Variants in EFNA5 observed in about 807,000 individuals in gnomAD.
EFNA5 encodes ephrin-A5.
EFNA5 carries 5 observed loss-of-function variants against 22.9 expected under a neutral mutation model. The observed-to-expected ratio is 0.22, with a 90% CI of 0.11 to 0.46. EFNA5 has a LOEUF of 0.46. Among genes scored for constraint, EFNA5 ranks in the 20% least tolerant of loss-of-function variants. The pLI, the probability that EFNA5 is intolerant of heterozygous loss-of-function variation, is 0.99. For synonymous variants in EFNA5, 113 were observed against 112.2 expected, an observed-to-expected ratio of 1.01 and a Z score of -0.04; for missense variants, 237 against 293.3, an observed-to-expected ratio of 0.81 and a Z score of 1.40.
intron 1 of EFNA5, among the ~76,000 whole-genome samples, chr5:107,635,940 GT>G (rs1750364696): frequency 1.3e-5 from 2 of 152,248 alleles, no homozygotes; most frequent in Admixed American, 1.3e-4. Flanking sequence ...AGGGACATGG[GT>G]TGAAAATATT....
chr5:107,426,955 T>C (rs1580444120), intron 2 of EFNA5: 1 of 390,642 alleles, frequency 2.6e-6, no homozygotes, highest in South Asian at 4.7e-5. Flanking sequence ...TCCTGGCAAT[T>C]TTCATTTAAA....
intron 1 of EFNA5, among the ~76,000 whole-genome samples, chr5:107,494,180 T>C (rs1318345761): frequency 6.6e-6 from 1 of 152,180 alleles, no homozygotes; most frequent in East Asian, 1.9e-4. Context: ...ACCGCTGCAC[T>C]GTGGGAGCCC....
chr5:107,531,960 T>G (rs952647241), intron 1 of EFNA5, among the ~76,000 whole-genome samples: 1 of 152,168 alleles, frequency 6.6e-6, no homozygotes, highest in Non-Finnish European at 1.5e-5. Flanking sequence ...AAAGGTAAAG[T>G]AGGTGGCTAG....
intron 1 of EFNA5, among the ~76,000 whole-genome samples, chr5:107,583,738 C>T (rs1254363550): frequency 6.6e-6 from 1 of 152,206 alleles, no homozygotes; most frequent in Non-Finnish European, 1.5e-5. Flanking sequence ...AAACTGCTTA[C>T]TTATAACAAG....
At position 107,570,577 on chromosome 5, in the gene EFNA5, A is replaced by G. The variant is rs573591180; in HGVS notation, c.125+99912T>C. On this transcript the variant is annotated intron_variant, in intron 1 of 4. Transcript: ENST00000333274. ...GTCGGTGTCCAAATGGATTCACAATATAATTCATGAACAATGAGGCTCTGG... is the reference window on the plus strand; with the variant it reads ...GTCGGTGTCCAAATGGATTCACAATGTAATTCATGAACAATGAGGCTCTGG... Among the ~76,000 whole-genome samples, 60 of 152,082 alleles carry G rather than the reference A, an allele frequency of 3.9e-4. 2 individuals carry two copies. The South Asian group carries it at 9.6e-3, about 24-fold the overall frequency.
chr5:107,503,232 C>T (rs1356069578), intron 1 of EFNA5, among the ~76,000 whole-genome samples: 1 of 152,120 alleles, frequency 6.6e-6, no homozygotes, highest in African/African-American at 2.4e-5. Context: ...AAATTGTCAC[C>T]AGTTAATGAA....
intron 2 of EFNA5, among the ~76,000 whole-genome samples, chr5:107,389,702 A>T (rs1747733721): frequency 6.6e-6 from 1 of 152,218 alleles, no homozygotes; most frequent in Admixed American, 6.5e-5. Flanking sequence ...CATGGCAATA[A>T]CTAAACAGCA....
At chr5:107,616,201 ACTTTAT>A (rs1435377185) in intron 1 of EFNA5, among the ~76,000 whole-genome samples, 1 of 152,228 alleles carries the variant, frequency 6.6e-6, no homozygotes, top group Non-Finnish European at 1.5e-5. Flanking sequence ...TTTATGTGGT[ACTTTAT>A]CTTTAATCAG....
chr5:107,541,899 G>T (rs1580520951), intron 1 of EFNA5, among the ~76,000 whole-genome samples: 1 of 152,076 alleles, frequency 6.6e-6, no homozygotes, highest in Non-Finnish European at 1.5e-5. Flanking sequence ...AATTATTTTT[G>T]TATTGTAAAT....
chr5:107,566,358 C>T (rs1296438972), intron 1 of EFNA5, among the ~76,000 whole-genome samples: 1 of 152,148 alleles, frequency 6.6e-6, no homozygotes, highest in Non-Finnish European at 1.5e-5. Context: ...ATTTTCTACA[C>T]ACAAAGGGAA....
At chr5:107,484,765 T>C (rs1746547697) in intron 1 of EFNA5, among the ~76,000 whole-genome samples, 1 of 151,910 alleles carries the variant, frequency 6.6e-6, no homozygotes, top group Non-Finnish European at 1.5e-5. Context: ...ACAGGGAAGA[T>C]GAGGAGCTGT....
At chr5:107,421,878 G>A (rs1449685706) in intron 2 of EFNA5, among the ~76,000 whole-genome samples, 2 of 150,806 alleles carry the variant, frequency 1.3e-5, no homozygotes, top group African/African-American at 2.4e-5. Flanking sequence ...TGCAACCTCC[G>A]CCTCCCAGGT....
intron 1 of EFNA5, among the ~76,000 whole-genome samples, chr5:107,458,214 G>C (rs1749744339): frequency 6.6e-6 from 1 of 152,002 alleles, no homozygotes; most frequent in Non-Finnish European, 1.5e-5. Context: ...ATAATTATTT[G>C]AACAGTTTCA....
chr5:107,615,143 C>T (rs965258088), intron 1 of EFNA5, among the ~76,000 whole-genome samples: 4 of 151,928 alleles, frequency 2.6e-5, no homozygotes, highest in South Asian at 2.1e-4. Flanking sequence ...TTCTCTTCCA[C>T]CTTTAAAAAA....
rs1262499843 is a variant in EFNA5, at chr5:107,427,459, T to A, written c.176A>T (p.Asp59Val). Residue 59 changes from aspartate (D) to valine (V), a missense_variant, in exon 2 of 5, where the codon GAT becomes GTT. Asp to Val is a radical substitution (Grantham distance 152). Transcript: ENST00000333274. ...HIDVCINDYLDVFCPHYEDSV... is the reference protein window; with the variant it reads ...HIDVCINDYLVVFCPHYEDSV... ...GTCCTCATAGTGAGGGCAGAAAACA[T>A]CCAGGTAGTCATTGATACAGACATC... The A allele has an allele frequency of 6.2e-7, 1 of 1,613,762 alleles. No individual in the cohort carries two copies. The highest frequency in any genetic ancestry group is 1.7e-5 in the Admixed American group (1 of 59,946).
intron 1 of EFNA5, among the ~76,000 whole-genome samples, chr5:107,457,660 C>A (rs546534580): frequency 6.6e-6 from 1 of 152,212 alleles, no homozygotes; most frequent in Non-Finnish European, 1.5e-5. Flanking sequence ...ACTGTATTTA[C>A]TTTACCATGT....
chr5:107,556,472 G>A (rs1375244132), intron 1 of EFNA5, among the ~76,000 whole-genome samples: 5 of 152,186 alleles, frequency 3.3e-5, no homozygotes, highest in African/African-American at 4.8e-5. Context: ...TCAGCCTGGT[G>A]TGGTGGCTCA....
chr5:107,526,243 C>T (rs541086767), intron 1 of EFNA5, among the ~76,000 whole-genome samples: 2 of 152,338 alleles, frequency 1.3e-5, no homozygotes, highest in East Asian at 3.9e-4. Context: ...AGAATGACAA[C>T]ATTGCTTCTT....
rs149755027 is a variant in EFNA5 at position 107,492,891 on chromosome 5, C to T, written c.126-65382G>A. Among the ~76,000 whole-genome samples the T allele has an allele frequency of 1.3e-3, 196 of 151,620 alleles. 1 individual carries two copies. Among genetic ancestry groups the T allele is most frequent in the African/African-American group, 4.6e-3 (189 of 41,346 alleles). On this transcript the variant is annotated intron_variant, in intron 1 of 4. Transcript: ENST00000333274. ...GCGGGCACCTGTAATCCCAACTATT[C>T]AGGAGGCTGAGGTAGGAGGATCGCT...
Sources: allele counts gnomAD v4.1 joint callset (sites outside exome capture counted in the v4.1 genomes callset), GRCh38; gene constraint gnomAD v4.1.1; transcripts MANE v1.5; gene names NCBI Gene and HGNC (gene_info 2026-07-23, HGNC 2026-07-21).